The following CEP128 variants were observed in gnomAD, a reference collection of about 807,000 sequenced individuals.
CEP128 encodes the protein centrosomal protein 128kDa.
Under a neutral mutation model 156.7 loss-of-function variants are expected in CEP128, and 132 were observed. That is an observed-to-expected ratio of 0.84 (90% CI 0.73 to 0.97). CEP128 has a LOEUF of 0.97. CEP128 is among the 50% of genes least tolerant of loss of function. CEP128 has a pLI of 0.00. For missense variants in CEP128, 1,252 were observed against 1,281.9 expected, an observed-to-expected ratio of 0.98 and a Z score of 0.36; for synonymous variants, 469 against 448.9, an observed-to-expected ratio of 1.04 and a Z score of -0.57.
At chr14:80,562,022 A>C (rs1890703988) in intron 20 of CEP128, among the ~76,000 whole-genome samples, 1 of 151,386 alleles carries the variant, frequency 6.6e-6, no homozygotes, top group East Asian at 2.0e-4. Context: ...CCGCCTCCCA[A>C]GTTCACGCCA....
chr14:80,634,817 T>G (rs2140750024), intron 19 of CEP128, among the ~76,000 whole-genome samples: 1 of 152,330 alleles, frequency 6.6e-6, no homozygotes, highest in South Asian at 2.1e-4. Flanking sequence ...AACAGTTTCC[T>G]TCTCTACATT....
intron 9 of CEP128, among the ~76,000 whole-genome samples, chr14:80,856,280 T>C (rs1887150691): frequency 6.6e-6 from 1 of 152,166 alleles, no homozygotes; most frequent in African/African-American, 2.4e-5. Flanking sequence ...TTAAGGCATC[T>C]AGATCATATG....
chr14:80,857,676 G>A (rs1439292272), intron 9 of CEP128, among the ~76,000 whole-genome samples: 1 of 151,360 alleles, frequency 6.6e-6, no homozygotes, highest in Admixed American at 6.6e-5. Context: ...AGGAATTCGA[G>A]GCTGTAGTGA....
intron 19 of CEP128, among the ~76,000 whole-genome samples, chr14:80,660,417 T>G (rs1425538069): frequency 6.6e-6 from 1 of 152,194 alleles, no homozygotes; most frequent in Non-Finnish European, 1.5e-5. Context: ...CCGTGCCATT[T>G]TCTACATGAG....
At chr14:80,633,500 G>GTC (rs34471871) in intron 19 of CEP128, among the ~76,000 whole-genome samples, 97,733 of 151,604 alleles carry the variant, frequency 0.64, 33,324 homozygotes, top group Non-Finnish European at 0.75. Flanking sequence ...TGCCACCTCT[G>GTC]TCTCTCTCTA....
intron 4 of CEP128, among the ~76,000 whole-genome samples, chr14:80,907,466 T>C (rs965225951): frequency 6.6e-6 from 1 of 151,816 alleles, no homozygotes; most frequent in African/African-American, 2.4e-5. Flanking sequence ...AAGAATGGCC[T>C]GGCAAACATG....
At chr14:80,801,912 A>C (rs1171623294) in intron 13 of CEP128, among the ~76,000 whole-genome samples, 3 of 140,926 alleles carry the variant, frequency 2.1e-5, no homozygotes, top group South Asian at 2.2e-4. Context: ...TGTCTCCCCA[A>C]AAAAAAAAAA....
chr14:80,910,760 C>G (rs1384684860), intron 4 of CEP128, among the ~76,000 whole-genome samples: 1 of 152,080 alleles, frequency 6.6e-6, no homozygotes, highest in Non-Finnish European at 1.5e-5. Flanking sequence ...TAGTAGGCTC[C>G]CTCTAGCCAA....
chr14:80,824,142 G>C (rs1183247918), intron 13 of CEP128, among the ~76,000 whole-genome samples: 1 of 152,346 alleles, frequency 6.6e-6, no homozygotes, highest in African/African-American at 2.4e-5. Context: ...GCCCCTTTCA[G>C]CCACGGCTGG....
chr14:80,766,397 T>C (rs576092733), intron 16 of CEP128, among the ~76,000 whole-genome samples: 1 of 152,286 alleles, frequency 6.6e-6, no homozygotes, highest in Admixed American at 6.5e-5. Context: ...AGATAAGAAA[T>C]GCTGTTGTAA....
At chr14:80,921,454 C>T (rs1223852809) in intron 2 of CEP128, among the ~76,000 whole-genome samples, 2 of 152,164 alleles carry the variant, frequency 1.3e-5, no homozygotes, top group East Asian at 3.9e-4. Context: ...AGCCCCTCAA[C>T]CTTGGACTTC....
At chr14:80,546,179 C>T (rs531593767) in intron 21 of CEP128, among the ~76,000 whole-genome samples, 1 of 152,176 alleles carries the variant, frequency 6.6e-6, no homozygotes, top group African/African-American at 2.4e-5. Flanking sequence ...ATGCATACAT[C>T]GGGGATGATT....
chr14:80,630,419 G>C (rs1185596174), intron 19 of CEP128, among the ~76,000 whole-genome samples: 1 of 151,896 alleles, frequency 6.6e-6, no homozygotes, highest in African/African-American at 2.4e-5. Context: ...AGGCATTAGA[G>C]TTTACACTTA....
At chr14:80,500,168 A>G (rs965410297) in intron 24 of CEP128, among the ~76,000 whole-genome samples, 4 of 152,254 alleles carry the variant, frequency 2.6e-5, no homozygotes, top group Admixed American at 6.5e-5. Flanking sequence ...GGATCACTTC[A>G]GAGACCACAA....
At chr14:80,709,894 T>A (rs1240125346) in intron 19 of CEP128, among the ~76,000 whole-genome samples, 1 of 152,012 alleles carries the variant, frequency 6.6e-6, no homozygotes, top group East Asian at 1.9e-4. Flanking sequence ...ATAGTTTGCT[T>A]ATGAAATGGC....
At chr14:80,631,528 G>C (rs1182774315) in intron 19 of CEP128, among the ~76,000 whole-genome samples, 1 of 151,982 alleles carries the variant, frequency 6.6e-6, no homozygotes, top group Non-Finnish European at 1.5e-5. Context: ...TATATTCAAA[G>C]ATAACACTAC....
intron 19 of CEP128, among the ~76,000 whole-genome samples, chr14:80,719,720 T>A (rs1897743047): frequency 6.6e-6 from 1 of 151,954 alleles, no homozygotes; most frequent in Admixed American, 6.6e-5. Context: ...TTTGCCAATA[T>A]TAGAATATGA....
intron 7 of CEP128, among the ~76,000 whole-genome samples, chr14:80,897,768 G>A (rs934123620): frequency 4.2e-5 from 6 of 141,946 alleles, no homozygotes; most frequent in Admixed American, 1.4e-4. Context: ...CTTCTATCTC[G>A]CCCTCCTCAA....
In CEP128 at chr14:80,791,747, C is replaced by A. The variant is rs143810730; in HGVS notation, c.1560+1013G>T. ...AATGAAAAGCAATCCACAGTGAGTG[C>A]AAAATGATCATTTCTTTCATCTTCT... On this transcript the variant is annotated intron_variant, in intron 14 of 24. Transcript: ENST00000555265. 5.4e-3 allele frequency among the ~76,000 whole-genome samples: 827 copies of A among 152,232 alleles called. 5 individuals carry two copies. Among genetic ancestry groups the A allele is most frequent in the African/African-American group, 0.018 (768 of 41,564 alleles).
Sources: allele counts gnomAD v4.1 joint callset (sites outside exome capture counted in the v4.1 genomes callset), GRCh38; gene constraint gnomAD v4.1.1; transcripts MANE v1.5; gene names NCBI Gene and HGNC (gene_info 2026-07-23, HGNC 2026-07-21).